HOMER1: variants seen among roughly 807,000 people sequenced by gnomAD.
The protein encoded by HOMER1 is homer scaffold protein 1.
Under a neutral mutation model 48.9 loss-of-function variants are expected in HOMER1, and 3 were observed. The ratio of observed to expected loss-of-function variants is 0.06; its 90% CI spans 0.03 to 0.16. The LOEUF is 0.16. HOMER1 is among the 10% of genes least tolerant of loss of function. The probability of loss-of-function intolerance (pLI) is 1.00; values close to 1 mark genes in which losing one functional copy is unlikely to be tolerated. For missense variants in HOMER1, 247 were observed against 411.4 expected, an observed-to-expected ratio of 0.60 and a Z score of 3.46; for synonymous variants, 134 against 146.4, an observed-to-expected ratio of 0.92 and a Z score of 0.61.
chr5:79,456,061 A>C (rs1751168159), intron 2 of HOMER1, among the ~76,000 whole-genome samples: 1 of 151,838 alleles, frequency 6.6e-6, no homozygotes, highest in Non-Finnish European at 1.5e-5. Flanking sequence ...AGGCTGAGGC[A>C]AGAAAATCAC....
At chr5:79,430,812 C>T (rs1334171519) in intron 5 of HOMER1, among the ~76,000 whole-genome samples, 2 of 150,302 alleles carry the variant, frequency 1.3e-5, no homozygotes, top group Non-Finnish European at 2.9e-5. Context: ...TGGCGCACGC[C>T]TGTAGTCCCA....
At chr5:79,467,799 C>T (rs1751514102) in intron 1 of HOMER1, among the ~76,000 whole-genome samples, 1 of 152,090 alleles carries the variant, frequency 6.6e-6, no homozygotes, top group Admixed American at 6.6e-5. Flanking sequence ...TGTTTTGAGA[C>T]AGGGTTTTGC....
chr5:79,483,373 T>A (rs1159742172), intron 1 of HOMER1, among the ~76,000 whole-genome samples: 1 of 152,110 alleles, frequency 6.6e-6, no homozygotes, highest in Non-Finnish European at 1.5e-5. Context: ...CCAAGTGAAT[T>A]TAGGGTAATG....
chr5:79,477,505 A>AT (rs982645442), intron 1 of HOMER1, among the ~76,000 whole-genome samples: 15 of 152,064 alleles, frequency 9.9e-5, no homozygotes, highest in African/African-American at 2.9e-4. Flanking sequence ...TTGGATATGG[A>AT]TTTTTTTTAG....
At chr5:79,511,428 T>C (rs991631217) in intron 1 of HOMER1, among the ~76,000 whole-genome samples, 4 of 152,150 alleles carry the variant, frequency 2.6e-5, no homozygotes, top group Non-Finnish European at 5.9e-5. Flanking sequence ...AAGAAAGCAA[T>C]TCGTTTTTTA....
intron 5 of HOMER1, among the ~76,000 whole-genome samples, chr5:79,420,705 A>C (rs1750071770): frequency 6.6e-6 from 1 of 152,102 alleles, no homozygotes; most frequent in African/African-American, 2.4e-5. Flanking sequence ...TCATGGAGAG[A>C]GCTTGGGGAC....
chr5:79,483,287 T>G (rs1000333912), intron 1 of HOMER1, among the ~76,000 whole-genome samples: 1 of 151,920 alleles, frequency 6.6e-6, no homozygotes, highest in African/African-American at 2.4e-5. Flanking sequence ...ATCTATAAAG[T>G]ATAGAAAGAA....
chr5:79,446,804 A>ATTTTTTTTTTTTTT (rs35036295), intron 4 of HOMER1, among the ~76,000 whole-genome samples: 1 of 101,732 alleles, frequency 9.8e-6, no homozygotes, highest in Non-Finnish European at 1.9e-5. Context: ...CACTTGGCTA[A>ATTTTTTTTTTTTTT]TTTTTTTTTT....
chr5:79,462,702 G>C (rs975481479), intron 1 of HOMER1, among the ~76,000 whole-genome samples: 3 of 152,114 alleles, frequency 2.0e-5, no homozygotes, highest in Non-Finnish European at 4.4e-5. Flanking sequence ...AAAAAAAGCA[G>C]ACAGTTAACA....
chr5:79,442,339 G>A (rs1393468287), intron 4 of HOMER1, among the ~76,000 whole-genome samples: 2 of 152,172 alleles, frequency 1.3e-5, no homozygotes, highest in Non-Finnish European at 2.9e-5. Context: ...CTACCCATTT[G>A]TGAAGTGGGT....
chr5:79,465,666 C>T (rs1480767480), intron 1 of HOMER1, among the ~76,000 whole-genome samples: 1 of 134,298 alleles, frequency 7.4e-6, no homozygotes, highest in Non-Finnish European at 1.5e-5. Flanking sequence ...AATCTTGGCT[C>T]ACTGCAAGCT....
chr5:79,470,806 T>C (rs563962056), intron 1 of HOMER1, among the ~76,000 whole-genome samples: 2 of 152,262 alleles, frequency 1.3e-5, no homozygotes, highest in South Asian at 4.2e-4. Context: ...AAAGCCACTA[T>C]ATAGCCATGA....
intron 1 of HOMER1, among the ~76,000 whole-genome samples, chr5:79,497,907 A>G (rs1421556663): frequency 6.6e-6 from 1 of 152,156 alleles, no homozygotes; most frequent in Non-Finnish European, 1.5e-5. Context: ...CTGTTAGAAG[A>G]GTAAATTCAT....
intron 8 of HOMER1, among the ~76,000 whole-genome samples, chr5:79,389,569 G>A (rs1450298374): frequency 6.6e-6 from 1 of 152,170 alleles, no homozygotes; most frequent in Non-Finnish European, 1.5e-5. Flanking sequence ...CCCCTCCAGT[G>A]TTGGTGGCTT....
rs911891707 is a variant in HOMER1, at chr5:79,513,321, C to T, written c.-547G>A. 1.3e-5 allele frequency: 2 copies of T among 154,978 alleles called. No individual in the cohort carries two copies. Among genetic ancestry groups the T allele is most frequent in the African/African-American group, 2.4e-5 (1 of 41,480 alleles). 9.6% of individuals were successfully genotyped at this position (154,978 alleles called of 1,614,324 possible). On this transcript the variant is annotated 5_prime_UTR_variant, in exon 1 of 9. It adds an upstream start codon to the 5' untranslated region. Transcript: ENST00000334082. ...CGCTCACATTAGGAAAAAAACTACACAGGAAAATCTCCTCGAAGTGCAAAC... is the reference window on the plus strand; with the variant it reads ...CGCTCACATTAGGAAAAAAACTACATAGGAAAATCTCCTCGAAGTGCAAAC...
chr5:79,393,243 G>T (rs1005034700), intron 8 of HOMER1, among the ~76,000 whole-genome samples: 1 of 152,088 alleles, frequency 6.6e-6, no homozygotes, highest in Non-Finnish European at 1.5e-5. Flanking sequence ...TTCAGCTAGT[G>T]ATAAGTACTA....
At chr5:79,468,526 TTAAAAC>T (rs1427380368) in intron 1 of HOMER1, among the ~76,000 whole-genome samples, 13 of 152,244 alleles carry the variant, frequency 8.5e-5, no homozygotes, top group African/African-American at 3.1e-4. Flanking sequence ...TTTTAGAACC[TTAAAAC>T]TAAATTTCAA....
intron 8 of HOMER1, among the ~76,000 whole-genome samples, chr5:79,387,923 C>T (rs977125918): frequency 6.6e-6 from 1 of 152,160 alleles, no homozygotes; most frequent in Admixed American, 6.5e-5. Context: ...CATCAAATTG[C>T]CTTTAATTAG....
chr5:79,478,665 C>T (rs1286164220), intron 1 of HOMER1, among the ~76,000 whole-genome samples: 1 of 149,550 alleles, frequency 6.7e-6, no homozygotes, highest in Admixed American at 6.7e-5. Flanking sequence ...CAAAAATCAA[C>T]CATAGGCCAG....
Sources: gnomAD v4.1 joint callset for allele counts (sites outside exome capture counted in the v4.1 genomes callset) on GRCh38, gnomAD v4.1.1 for gene constraint, MANE v1.5 for transcripts, NCBI Gene and HGNC (gene_info 2026-07-23, HGNC 2026-07-21) for gene names.